Variants in RSPO2 observed in about 807,000 individuals in gnomAD.
RSPO2 encodes R-spondin 2, also known as R-spondin-2.
Under a neutral mutation model 30.9 loss-of-function variants are expected in RSPO2, and 14 were observed. The ratio of observed to expected loss-of-function variants is 0.45; its 90% confidence interval spans 0.30 to 0.71. RSPO2 has a LOEUF of 0.71. Among genes scored for constraint, RSPO2 ranks in the 30% least tolerant of loss-of-function variants. RSPO2 has a pLI of 0.08. For missense variants in RSPO2, 264 were observed against 301.9 expected (o/e 0.87, Z 0.93); for synonymous variants, 107 against 96.4 (o/e 1.11, Z -0.64).
intron 2 of RSPO2, among the ~76,000 whole-genome samples, chr8:108,057,991 G>A (rs1563583158): frequency 6.6e-6 from 1 of 152,036 alleles, no homozygotes; most frequent in Non-Finnish European, 1.5e-5. Flanking sequence ...TAATTGCCCT[G>A]GCCAGAACTT....
intron 2 of RSPO2, among the ~76,000 whole-genome samples, chr8:108,021,723 G>C (rs753037288): frequency 1.3e-4 from 20 of 151,364 alleles, no homozygotes; most frequent in Non-Finnish European, 2.1e-4. Flanking sequence ...TGAACAATAA[G>C]AACACATGGA....
intron 5 of RSPO2, among the ~76,000 whole-genome samples, chr8:107,947,863 T>C (rs1486377087): frequency 1.3e-5 from 2 of 152,246 alleles, no homozygotes; most frequent in African/African-American, 4.8e-5. Context: ...CTTCTGTGAC[T>C]GCCATTCACA....
chr8:107,963,048 A>G (rs1166634075), intron 3 of RSPO2, among the ~76,000 whole-genome samples: 1 of 152,154 alleles, frequency 6.6e-6, no homozygotes, highest in Middle Eastern at 3.2e-3. Context: ...TGAAATACCT[A>G]TCATGCTCTG....
At chr8:108,060,526 G>A (rs913760326) in intron 2 of RSPO2, among the ~76,000 whole-genome samples, 1 of 151,774 alleles carries the variant, frequency 6.6e-6, no homozygotes, top group African/African-American at 2.4e-5. Context: ...AAGAAATATG[G>A]GACTATGTGA....
intron 2 of RSPO2, among the ~76,000 whole-genome samples, chr8:107,989,819 C>G (rs1259208737): frequency 6.6e-6 from 1 of 152,096 alleles, no homozygotes; most frequent in Non-Finnish European, 1.5e-5. Flanking sequence ...TGTCCAGATC[C>G]AGGAAAACCC....
Position 107,966,921 on chromosome 8 carries a change from T to C in RSPO2, c.284-6104A>G, listed in dbSNP as rs544803551. ...AACCTCAAACACCCCTGGGAATCTATGTTCTCTTATTTCTTCATGCCCATC... is the reference window on the plus strand; with the variant it reads ...AACCTCAAACACCCCTGGGAATCTACGTTCTCTTATTTCTTCATGCCCATC... On this transcript the variant is annotated intron_variant, in intron 3 of 5. Coordinates refer to ENST00000276659, the MANE Select transcript of RSPO2 (RefSeq NM_178565.5). 2.8e-4 allele frequency among the ~76,000 whole-genome samples: 42 copies of C among 152,340 alleles called. 1 individual carries two copies. The South Asian group carries it at 8.7e-3, about 32-fold the overall frequency.
intron 3 of RSPO2, among the ~76,000 whole-genome samples, chr8:107,988,602 C>A (rs1383269771): frequency 2.0e-5 from 3 of 152,086 alleles, no homozygotes; most frequent in African/African-American, 7.2e-5. Flanking sequence ...TCTTATCCTA[C>A]CATACTCATT....
Position 108,040,340 on chromosome 8 carries a change from C to T in RSPO2, c.94+42205G>A, listed in dbSNP as rs367601663. On this transcript the variant is annotated intron_variant, in intron 2 of 5. Transcript: ENST00000276659. Reference sequence around the variant, plus strand: ...CCATGAACTTCTCCACTGAAGGCATCTAGACTGGGTCTTACAGGCTAGACT... The same window carrying T: ...CCATGAACTTCTCCACTGAAGGCATTTAGACTGGGTCTTACAGGCTAGACT... 3.2e-4 allele frequency among the ~76,000 whole-genome samples: 48 copies of T among 152,148 alleles called. 2 individuals carry two copies. The South Asian group carries it at 9.7e-3, about 31-fold the overall frequency.
chr8:107,933,165 T>C (rs771238641), intron 5 of RSPO2, among the ~76,000 whole-genome samples: 2 of 152,120 alleles, frequency 1.3e-5, no homozygotes, highest in Non-Finnish European at 2.9e-5. Flanking sequence ...ATGGAGTCTT[T>C]CCTTATACAT....
At chr8:108,049,479 T>C (rs939874883) in intron 2 of RSPO2, among the ~76,000 whole-genome samples, 2 of 151,932 alleles carry the variant, frequency 1.3e-5, no homozygotes, top group African/African-American at 2.4e-5. Flanking sequence ...GGTGGTTTGC[T>C]GCACCTATTA....
chr8:108,059,010 A>C (rs933036899), intron 2 of RSPO2, among the ~76,000 whole-genome samples: 1 of 151,850 alleles, frequency 6.6e-6, no homozygotes, highest in African/African-American at 2.4e-5. Flanking sequence ...GATCTAATTA[A>C]ACTCAAGAGC....
chr8:108,069,200 AACACACAC>A (rs56977468), intron 2 of RSPO2, among the ~76,000 whole-genome samples: 193 of 148,366 alleles, frequency 1.3e-3, no homozygotes, highest in African/African-American at 4.2e-3. Context: ...TGTATGTGTG[AACACACAC>A]ACACACACAC....
intron 2 of RSPO2, among the ~76,000 whole-genome samples, chr8:108,001,069 G>C (rs1296871831): frequency 6.6e-6 from 1 of 151,976 alleles, no homozygotes; most frequent in African/African-American, 2.4e-5. Flanking sequence ...GCGGGCGCCT[G>C]TAGTCCCAGC....
chr8:107,974,847 T>TAC (rs10530103), intron 3 of RSPO2, among the ~76,000 whole-genome samples: 5,295 of 150,640 alleles, frequency 0.035, 308 homozygotes, highest in African/African-American at 0.12. Flanking sequence ...CACATACACA[T>TAC]ACACACACAC....
intron 2 of RSPO2, among the ~76,000 whole-genome samples, chr8:108,070,226 A>AGGTGGGAG (rs1812794846): frequency 6.6e-6 from 1 of 150,768 alleles, no homozygotes; most frequent in African/African-American, 2.4e-5. Flanking sequence ...CAGGAAGCTA[A>AGGTGGGAG]GGTGGGAGGA....
intron 5 of RSPO2, among the ~76,000 whole-genome samples, chr8:107,949,487 G>C (rs1274127329): frequency 1.3e-5 from 2 of 151,992 alleles, no homozygotes; most frequent in African/African-American, 4.8e-5. Context: ...GCATTCACTA[G>C]ATACCATGAA....
intron 3 of RSPO2, among the ~76,000 whole-genome samples, chr8:107,971,337 T>C (rs1303508783): frequency 2.0e-5 from 3 of 152,224 alleles, no homozygotes; most frequent in Admixed American, 6.5e-5. Flanking sequence ...TAAAATGTTT[T>C]GTAAAGAGTA....
chr8:107,945,240 C>A (rs942450865), intron 5 of RSPO2, among the ~76,000 whole-genome samples: 1 of 102,840 alleles, frequency 9.7e-6, no homozygotes, highest in African/African-American at 3.2e-5. Flanking sequence ...CATTCTTTTA[C>A]CTTTTTTTTT....
At chr8:107,908,630 A>C (rs965827347) in intron 5 of RSPO2, among the ~76,000 whole-genome samples, 1 of 152,152 alleles carries the variant, frequency 6.6e-6, no homozygotes, top group African/African-American at 2.4e-5. Flanking sequence ...CTTTTTGTTG[A>C]ACCCCCATTG....
Sources: allele counts gnomAD v4.1 joint callset (sites outside exome capture counted in the v4.1 genomes callset), GRCh38; gene constraint gnomAD v4.1.1; transcripts MANE v1.5; gene names NCBI Gene and HGNC (gene_info 2026-07-23, HGNC 2026-07-21).